Variants in DLGAP1 observed in about 807,000 individuals in gnomAD.
DLGAP1 encodes DLG associated protein 1.
DLGAP1 carries 11 observed loss-of-function variants against 90.8 expected under a neutral mutation model. The ratio of observed to expected loss-of-function variants is 0.12; its 90% CI spans 0.08 to 0.20. The LOEUF is 0.20. Ranked by LOEUF, DLGAP1 falls within the 10% of genes least tolerant of loss-of-function variation. The probability of loss-of-function intolerance (pLI) is 1.00; values close to 1 mark genes in which losing one functional copy is unlikely to be tolerated. For missense variants in DLGAP1, 1,050 were observed against 1,333.8 expected (o/e 0.79, Z 3.31); for synonymous variants, 558 against 540.7 (o/e 1.03, Z -0.44).
At chr18:3,960,569 A>G (rs1454479567) in intron 3 of DLGAP1, among the ~76,000 whole-genome samples, 1 of 152,214 alleles carries the variant, frequency 6.6e-6, no homozygotes, top group Non-Finnish European at 1.5e-5. Flanking sequence ...ATCTCTAAAA[A>G]AATAATAACA....
At chr18:3,821,882 C>T (rs2067439323) in intron 4 of DLGAP1, 2 of 984,320 alleles carry the variant, frequency 2.0e-6, no homozygotes, top group Non-Finnish European at 2.4e-6. Context: ...CTCTCAGATT[C>T]CCTACTCACT....
chr18:3,518,525 TA>T (rs34819875), intron 10 of DLGAP1, among the ~76,000 whole-genome samples: 175 of 148,798 alleles, frequency 1.2e-3, no homozygotes, highest in African/African-American at 1.3e-3. Flanking sequence ...TCAATTTGTT[TA>T]AAAAAAAAAA....
chr18:3,591,506 T>C (rs993984622), intron 7 of DLGAP1, among the ~76,000 whole-genome samples: 1 of 151,804 alleles, frequency 6.6e-6, no homozygotes, highest in Non-Finnish European at 1.5e-5. Flanking sequence ...TAGAGCAACA[T>C]GGTGAAACCC....
chr18:4,115,507 A>G (rs2144049059), intron 2 of DLGAP1, among the ~76,000 whole-genome samples: 1 of 95,760 alleles, frequency 1.0e-5, no homozygotes, highest in South Asian at 3.0e-4. Flanking sequence ...TTTTTTTGAG[A>G]CGGAGTCTTG....
chr18:3,973,901 A>G (rs2073510054), intron 3 of DLGAP1, among the ~76,000 whole-genome samples: 1 of 152,060 alleles, frequency 6.6e-6, no homozygotes, highest in African/African-American at 2.4e-5. Flanking sequence ...ACTTAGATGG[A>G]CCTAGACGGC....
chr18:4,242,887 A>G (rs28664647), intron 1 of DLGAP1, among the ~76,000 whole-genome samples: 4,686 of 152,230 alleles, frequency 0.031, 125 homozygotes, highest in African/African-American at 0.065. Flanking sequence ...GATGAGGGCT[A>G]GGTCACACAT....
intron 2 of DLGAP1, among the ~76,000 whole-genome samples, chr18:4,093,116 G>A (rs548272546): frequency 1.3e-5 from 2 of 152,218 alleles, no homozygotes; most frequent in South Asian, 4.2e-4. Flanking sequence ...GGTGGAAGTG[G>A]CAATTTGTTC....
rs527822092 is a variant in DLGAP1 at position 4,411,442 on chromosome 18, A to C, written c.-267+43564T>G. Reference sequence around the variant, plus strand: ...TAATGGGATCAGATGGCTCTTGCTTAGGGTATAGCGGGCAGAGAAAGTCAA... The same window carrying C: ...TAATGGGATCAGATGGCTCTTGCTTCGGGTATAGCGGGCAGAGAAAGTCAA... On this transcript the variant is annotated intron_variant, in intron 1 of 12. Coordinates refer to ENST00000315677, the MANE Select transcript of DLGAP1 (RefSeq NM_004746.4). Among the ~76,000 whole-genome samples, 10 of 152,326 alleles carry C rather than the reference A, an allele frequency of 6.6e-5. No individual in the cohort carries two copies. In the East Asian group the frequency reaches 1.9e-3, roughly 29 times the overall value.
At chr18:3,549,610 C>T (rs948150379) in intron 9 of DLGAP1, among the ~76,000 whole-genome samples, 5 of 152,180 alleles carry the variant, frequency 3.3e-5, no homozygotes, top group South Asian at 2.1e-4. Context: ...GGATCACAGG[C>T]GTGAGCCACC....
intron 7 of DLGAP1, among the ~76,000 whole-genome samples, chr18:3,648,132 T>C (rs1385708569): frequency 6.6e-6 from 1 of 152,152 alleles, no homozygotes; most frequent in African/African-American, 2.4e-5. Context: ...ACATGTCGGT[T>C]AAAGCTAGGA....
chr18:3,555,200 G>A (rs1452532994), intron 9 of DLGAP1, among the ~76,000 whole-genome samples: 1 of 152,082 alleles, frequency 6.6e-6, no homozygotes, highest in Non-Finnish European at 1.5e-5. Context: ...GTTTGACAAT[G>A]GATTTCTTTT....
chr18:4,271,244 A>G (rs1245557776), intron 1 of DLGAP1, among the ~76,000 whole-genome samples: 1 of 152,174 alleles, frequency 6.6e-6, no homozygotes, highest in Non-Finnish European at 1.5e-5. Context: ...CCCAGGACCA[A>G]TATTTTTGAA....
At chr18:3,935,178 C>A (rs942143299) in intron 3 of DLGAP1, among the ~76,000 whole-genome samples, 2 of 152,224 alleles carry the variant, frequency 1.3e-5, no homozygotes, top group Non-Finnish European at 2.9e-5. Context: ...TGGCCTTCAC[C>A]ATAACCTTGT....
intron 2 of DLGAP1, among the ~76,000 whole-genome samples, chr18:4,127,049 G>A (rs1458522439): frequency 6.6e-6 from 1 of 152,118 alleles, no homozygotes; most frequent in Non-Finnish European, 1.5e-5. Context: ...TGATCATTTG[G>A]CTTATGACAC....
At chr18:4,347,855 A>G (rs565926416) in intron 1 of DLGAP1, among the ~76,000 whole-genome samples, 1 of 152,214 alleles carries the variant, frequency 6.6e-6, no homozygotes, top group East Asian at 1.9e-4. Context: ...ATTGGTAGAG[A>G]AGAGGTAAAA....
chr18:3,813,712 C>T (rs539352227), intron 5 of DLGAP1, among the ~76,000 whole-genome samples: 112 of 152,102 alleles, frequency 7.4e-4, no homozygotes, highest in African/African-American at 2.5e-3. Context: ...CCTGAGCAAA[C>T]GTTCAAGAAT....
At chr18:3,748,629 T>A (rs2063369490) in intron 5 of DLGAP1, among the ~76,000 whole-genome samples, 1 of 152,228 alleles carries the variant, frequency 6.6e-6, no homozygotes, top group South Asian at 2.1e-4. Context: ...TAATCTAACT[T>A]CATTGTATTT....
At chr18:3,872,906 G>C (rs1313864330) in intron 4 of DLGAP1, among the ~76,000 whole-genome samples, 6 of 152,282 alleles carry the variant, frequency 3.9e-5, no homozygotes, top group South Asian at 2.1e-4. Flanking sequence ...GCTAACTAAT[G>C]CTATGCCTTT....
intron 9 of DLGAP1, among the ~76,000 whole-genome samples, chr18:3,535,504 G>A (rs143648057): frequency 0.035 from 5,121 of 147,868 alleles, 212 homozygotes; most frequent in Middle Eastern, 0.1. Context: ...TCAGGGGATC[G>A]AGACCCTCCT....
Sources: allele counts gnomAD v4.1 joint callset (sites outside exome capture counted in the v4.1 genomes callset), GRCh38; gene constraint gnomAD v4.1.1; transcripts MANE v1.5; gene names NCBI Gene and HGNC (gene_info 2026-07-23, HGNC 2026-07-21).